Variants in PPP3R1 observed in about 807,000 individuals in gnomAD.
The protein encoded by PPP3R1 is protein phosphatase 3 regulatory subunit B, alpha, also known as calcineurin subunit B type 1.
In PPP3R1, 5 loss-of-function variants were observed where a neutral mutation model predicts 22.6. The observed-to-expected ratio is 0.22, with a 90% CI of 0.12 to 0.46. PPP3R1 has a LOEUF of 0.46. Ranked by LOEUF, PPP3R1 falls within the 20% of genes least tolerant of loss-of-function variation. The pLI, the probability that PPP3R1 is intolerant of heterozygous loss-of-function variation, is 0.99. For missense variants in PPP3R1, 61 were observed against 203.2 expected (o/e 0.30, Z 4.25); for synonymous variants, 56 against 65.2 (o/e 0.86, Z 0.68).
At chr2:68,198,667 C>T (rs899270715) in intron 2 of PPP3R1, among the ~76,000 whole-genome samples, 2 of 151,880 alleles carry the variant, frequency 1.3e-5, no homozygotes, top group Admixed American at 6.6e-5. Flanking sequence ...TTCTAAGACC[C>T]GTGCATTTCC....
At chr2:68,207,881 C>T (rs116462347) in intron 2 of PPP3R1, among the ~76,000 whole-genome samples, 3,528 of 152,256 alleles carry the variant, frequency 0.023, 118 homozygotes, top group African/African-American at 0.081. Flanking sequence ...CATTGCAGGG[C>T]GCAGTGGCTC....
chr2:68,216,185 G>A (rs573474601), intron 2 of PPP3R1, among the ~76,000 whole-genome samples: 1 of 151,914 alleles, frequency 6.6e-6, no homozygotes, highest in Non-Finnish European at 1.5e-5. Flanking sequence ...TCTAAGCTAA[G>A]TCTTAAAAAC....
At chr2:68,246,693 A>G (rs948056477) in intron 1 of PPP3R1, among the ~76,000 whole-genome samples, 3 of 152,106 alleles carry the variant, frequency 2.0e-5, no homozygotes, top group African/African-American at 4.8e-5. Context: ...TGGCTATTCA[A>G]TGACAAACTT....
intron 1 of PPP3R1, among the ~76,000 whole-genome samples, chr2:68,223,744 A>T (rs571479531): frequency 6.6e-6 from 1 of 152,106 alleles, no homozygotes; most frequent in African/African-American, 2.4e-5. Flanking sequence ...TGTCATATGT[A>T]ATAAGATTCT....
chr2:68,232,253 GTGTGTGTGTGTGTA>G lies in PPP3R1; in HGVS notation c.4-15136_4-15123del, dbSNP rs1418573862. ...TGTGTGTGTGTGTGTGTGTGTGTGT[GTGTGTGTGTGTGTA>G]TATATATATACACACACACAAAAAT... On this transcript the variant is annotated intron_variant, in intron 1 of 5. Transcript: ENST00000234310. 2.9e-3 allele frequency among the ~76,000 whole-genome samples: 203 copies of G among 69,562 alleles called. 5 individuals carry two copies. In the South Asian group the frequency reaches 0.047, roughly 16 times the overall value. The allele number at this position is 69,562 out of a possible 152,430, so 45.6% of individuals were successfully genotyped here. A position where few individuals can be genotyped will look rare whatever the true frequency, so the allele number is the denominator to read the frequency against.
chr2:68,227,722 G>A (rs1221004496), intron 1 of PPP3R1, among the ~76,000 whole-genome samples: 1 of 152,064 alleles, frequency 6.6e-6, no homozygotes, highest in Non-Finnish European at 1.5e-5. Context: ...CACTTTGACA[G>A]TTAAACTATA....
At chr2:68,219,131 G>C (rs896818098) in intron 1 of PPP3R1, among the ~76,000 whole-genome samples, 1 of 152,088 alleles carries the variant, frequency 6.6e-6, no homozygotes, top group African/African-American at 2.4e-5. Context: ...TCTTTAGAAA[G>C]CTAAGTAAAG....
At chr2:68,221,695 C>T (rs1669691337) in intron 1 of PPP3R1, among the ~76,000 whole-genome samples, 1 of 150,756 alleles carries the variant, frequency 6.6e-6, no homozygotes, top group Non-Finnish European at 1.5e-5. Flanking sequence ...AAAAAAAAAG[C>T]CACATAATAA....
chr2:68,196,255 G>A (rs775055558), intron 2 of PPP3R1, among the ~76,000 whole-genome samples: 8 of 152,096 alleles, frequency 5.3e-5, no homozygotes, highest in African/African-American at 1.9e-4. Context: ...TTTTTATAAA[G>A]ACACCTCCTA....
Position 68,180,741 on chromosome 2 carries a change from C to A in PPP3R1, c.*222G>T. ...CTCCACCACATTGATATGCTCTTTT[C>A]ATGTTGCTGTCCTTCAGACTTTAAA... On this transcript the variant is annotated 3_prime_UTR_variant, in exon 6 of 6. Transcript: ENST00000234310. The A allele has an allele frequency of 2.1e-6, 1 of 482,324 alleles. No individual in the cohort carries two copies. Among genetic ancestry groups the A allele is most frequent in the Non-Finnish European group, 3.7e-6 (1 of 271,668 alleles). The allele number at this position is 482,324 out of a possible 1,614,324, so 29.9% of individuals were successfully genotyped here. A position where few individuals can be genotyped will look rare whatever the true frequency, so the allele number is the denominator to read the frequency against.
At chr2:68,244,512 T>C (rs1235022068) in intron 1 of PPP3R1, among the ~76,000 whole-genome samples, 1 of 152,192 alleles carries the variant, frequency 6.6e-6, no homozygotes, top group Non-Finnish European at 1.5e-5. Context: ...TATTAAAACA[T>C]ATCTGTTGCC....
chr2:68,196,045 A>G (rs1169083016), intron 2 of PPP3R1, among the ~76,000 whole-genome samples: 1 of 152,152 alleles, frequency 6.6e-6, no homozygotes, highest in Non-Finnish European at 1.5e-5. Flanking sequence ...ATTAGAAACT[A>G]CTACTCCAAT....
At chr2:68,237,698 A>T (rs2103803459) in intron 1 of PPP3R1, among the ~76,000 whole-genome samples, 1 of 152,210 alleles carries the variant, frequency 6.6e-6, no homozygotes, top group South Asian at 2.1e-4. Flanking sequence ...ATTTCCCTCC[A>T]CAGTTTCTGG....
intron 1 of PPP3R1, among the ~76,000 whole-genome samples, chr2:68,233,780 C>CT (rs1669964120): frequency 1.3e-5 from 2 of 152,026 alleles, no homozygotes; most frequent in African/African-American, 2.4e-5. Flanking sequence ...ATTTCAATGA[C>CT]TTTTTTCAAA....
At chr2:68,194,323 G>A (rs910362673) in intron 2 of PPP3R1, among the ~76,000 whole-genome samples, 6 of 152,028 alleles carry the variant, frequency 3.9e-5, no homozygotes, top group African/African-American at 1.4e-4. Flanking sequence ...ACGGATAAAT[G>A]TAAAATTCAG....
intron 1 of PPP3R1, among the ~76,000 whole-genome samples, chr2:68,229,965 T>TATACACAC (rs1553408545): frequency 2.0e-5 from 1 of 49,494 alleles, no homozygotes; most frequent in South Asian, 9.3e-4. Flanking sequence ...TGTGTATATA[T>TATACACAC]ACACACATAC....
Position 68,252,295 on chromosome 2 carries a change from C to T in PPP3R1, c.-168G>A, listed in dbSNP as rs1670384802. 3 of 1,027,688 alleles carry T rather than the reference C, an allele frequency of 2.9e-6. No individual in the cohort carries two copies. Among genetic ancestry groups the T allele is most frequent in the African/African-American group, 1.7e-5 (1 of 57,628 alleles). 63.7% of individuals were successfully genotyped at this position (1,027,688 alleles called of 1,614,324 possible). On this transcript the variant is annotated 5_prime_UTR_variant, in exon 1 of 6. Coordinates refer to ENST00000234310, the MANE Select transcript of PPP3R1 (RefSeq NM_000945.4). ...GCGGCGCCGCGGGGCCCGCGCCGGC[C>T]GGGCGATTGGGCACGCGAGGGAGCG...
At position 68,252,250 on chromosome 2, in the gene PPP3R1, G is replaced by T; in HGVS notation, c.-123C>A. On this transcript the variant is annotated 5_prime_UTR_variant, in exon 1 of 6. Coordinates refer to ENST00000234310, the MANE Select transcript of PPP3R1 (RefSeq NM_000945.4). ...CCCTCGGGTCGCCGGCGGGGAGGGG[G>T]CGCGCGTGGGGGAGGGGAGGCGGCG... 9.2e-7 allele frequency: 1 copy of T among 1,085,556 alleles called. No homozygotes were observed. Among genetic ancestry groups the T allele is most frequent in the Non-Finnish European group, 1.1e-6 (1 of 892,818 alleles). The allele number at this position is 1,085,556 out of a possible 1,614,324, so 67.2% of individuals were successfully genotyped here. A position where few individuals can be genotyped will look rare whatever the true frequency, so the allele number is the denominator to read the frequency against.
At chr2:68,227,678 T>C (rs1669814335) in intron 1 of PPP3R1, among the ~76,000 whole-genome samples, 2 of 152,060 alleles carry the variant, frequency 1.3e-5, no homozygotes, top group African/African-American at 4.8e-5. Flanking sequence ...TGAAGGCACA[T>C]AATATGTTTA....
Sources: gnomAD v4.1 joint callset for allele counts (sites outside exome capture counted in the v4.1 genomes callset) on GRCh38, gnomAD v4.1.1 for gene constraint, MANE v1.5 for transcripts, NCBI Gene and HGNC (gene_info 2026-07-23, HGNC 2026-07-21) for gene names.